The following OAS1 variants were observed in gnomAD, a reference collection of about 807,000 sequenced individuals.
OAS1 encodes the protein 2'-5'-oligoadenylate synthase 1.
A neutral mutation model predicts 38.5 loss-of-function variants in OAS1; 24 were observed. That is an observed-to-expected ratio of 0.62 (90% CI 0.45 to 0.88). The LOEUF is 0.88. Among genes scored for constraint, OAS1 ranks in the 40% least tolerant of loss-of-function variants. OAS1 has a pLI of 0.00. For synonymous variants in OAS1, 169 were observed against 193.9 expected (o/e 0.87, Z 1.07); for missense variants, 482 against 493.9 (o/e 0.98, Z 0.23).
At chr12:112,920,165 C>A (rs1200715039), downstream of OAS1, among the ~76,000 whole-genome samples, 1 of 152,196 alleles carries the variant, frequency 6.6e-6, no homozygotes, top group Non-Finnish European at 1.5e-5. Context: ...GACATTTGTG[C>A]AAAACATCTT....
chr12:112,909,229 C>T (rs1447854100), intron 2 of OAS1, among the ~76,000 whole-genome samples: 3 of 152,208 alleles, frequency 2.0e-5, no homozygotes, highest in African/African-American at 4.8e-5. Flanking sequence ...AACATTTGGA[C>T]AGGAAGTGTA....
At chr12:112,918,796 C>A in intron 5 of OAS1, 1 of 329,076 alleles carries the variant, frequency 3.0e-6, no homozygotes, top group Non-Finnish European at 6.2e-6. Flanking sequence ...TGTCACACAG[C>A]TAAACAGGGG....
At chr12:112,909,619 T>G (rs375603300) in intron 2 of OAS1, among the ~76,000 whole-genome samples, 38 of 152,288 alleles carry the variant, frequency 2.5e-4, no homozygotes, top group South Asian at 2.3e-3. Flanking sequence ...GAGCCACGAA[T>G]GTACCACTGC....
intron 6 of OAS1, among the ~76,000 whole-genome samples, chr12:112,927,868 C>A (rs1349776037): frequency 6.6e-6 from 1 of 152,118 alleles, no homozygotes; most frequent in Non-Finnish European, 1.5e-5. Context: ...GAAATAGAAT[C>A]CAGCATACTT....
At chr12:112,910,668 G>A (rs2043363550) in intron 2 of OAS1, among the ~76,000 whole-genome samples, 1 of 152,168 alleles carries the variant, frequency 6.6e-6, no homozygotes, top group Non-Finnish European at 1.5e-5. Context: ...AGGAGGTGAG[G>A]TGGGAGAGGT....
intron 6 of OAS1, among the ~76,000 whole-genome samples, chr12:112,929,210 C>T (rs2043581935): frequency 6.6e-6 from 1 of 152,356 alleles, no homozygotes; most frequent in South Asian, 2.1e-4. Flanking sequence ...CTACAGGCCA[C>T]TTCAGCTTTC....
Position 112,919,610 on chromosome 12 carries a change from T to G in OAS1, c.*57T>G, listed in dbSNP as rs45507596. 287 of 1,613,644 alleles carry G rather than the reference T, an allele frequency of 1.8e-4. No homozygotes were observed. Among genetic ancestry groups the G allele is most frequent in the Non-Finnish European group, 2.3e-4 (276 of 1,179,880 alleles). On this transcript the variant is annotated 3_prime_UTR_variant, in exon 6 of 6. Coordinates refer to ENST00000202917, the MANE Select transcript of OAS1 (RefSeq NM_016816.4). Reference sequence around the variant, plus strand: ...GTGTTATCTGGACCAGTTCCTTCATTTTCAGGTGGGACTCTTGATCCAGAG... The same window carrying G: ...GTGTTATCTGGACCAGTTCCTTCATGTTCAGGTGGGACTCTTGATCCAGAG...
chr12:112,928,596 G>A (rs562642418), intron 6 of OAS1, among the ~76,000 whole-genome samples: 119 of 152,296 alleles, frequency 7.8e-4, no homozygotes, highest in African/African-American at 2.7e-3. Flanking sequence ...TGTTCTGTGC[G>A]TGTCTTCTGG....
chr12:112,916,958 C>T (rs889153214), intron 4 of OAS1: 4 of 534,220 alleles, frequency 7.5e-6, no homozygotes, highest in African/African-American at 5.7e-5. Context: ...GGTGAGTAAA[C>T]TGAGGTTCTG....
chr12:112,928,069 A>T (rs1026610498), intron 6 of OAS1, among the ~76,000 whole-genome samples: 1 of 152,184 alleles, frequency 6.6e-6, no homozygotes, highest in Non-Finnish European at 1.5e-5. Flanking sequence ...GTGACGTATT[A>T]AGCCTAGTGC....
chr12:112,926,374 C>T (rs1388193803), intron 6 of OAS1, among the ~76,000 whole-genome samples: 2 of 152,164 alleles, frequency 1.3e-5, no homozygotes, highest in Non-Finnish European at 2.9e-5. Context: ...GGGAAACCAG[C>T]CCCCGATATT....
chr12:112,921,988 G>A (rs181611525), downstream of OAS1, among the ~76,000 whole-genome samples: 2 of 152,240 alleles, frequency 1.3e-5, no homozygotes. Flanking sequence ...GACACAGTGG[G>A]CAAATGACAA....
At chr12:112,929,762 A>G (rs2043586310) in intron 6 of OAS1, among the ~76,000 whole-genome samples, 1 of 152,140 alleles carries the variant, frequency 6.6e-6, no homozygotes, top group Non-Finnish European at 1.5e-5. Context: ...TTTTATGATA[A>G]TAAGGTGGAA....
chr12:112,921,569 CA>C (rs1360761431), downstream of OAS1, among the ~76,000 whole-genome samples: 1 of 152,170 alleles, frequency 6.6e-6, no homozygotes. Context: ...GGGCTTACTC[CA>C]GAGTCCTGGA....
In OAS1 at chr12:112,911,088, C is replaced by G. The variant is rs781389839; in HGVS notation, c.507C>G (p.Ile169Met). 6.2e-7 allele frequency: 1 copy of G among 1,614,000 alleles called. No homozygotes were observed. The highest frequency in any genetic ancestry group is 2.2e-5 in the East Asian group (1 of 44,878). Residue 169 changes from isoleucine (I) to methionine (M), a missense_variant, in exon 3 of 6, where the codon ATC (isoleucine) becomes ATG (methionine). Coordinates refer to ENST00000202917, the MANE Select transcript of OAS1 (RefSeq NM_016816.4). ...GCGGCTATAAACCTAACCCCCAAAT[C>G]TATGTCAAGCTCATCGAGGAGTGCA... Reference protein sequence around the residue: ...LTGGYKPNPQIYVKLIEECTD... With the variant: ...LTGGYKPNPQMYVKLIEECTD...
chr12:112,918,816 C>T (rs1303188693), intron 5 of OAS1: 1 of 310,540 alleles, frequency 3.2e-6, no homozygotes, highest in Admixed American at 3.8e-5. Context: ...GCAAAGGACC[C>T]AGTCTTGGAT....
intron 5 of OAS1, chr12:112,918,931 G>A (rs894945859): frequency 3.1e-5 from 8 of 256,284 alleles, no homozygotes; most frequent in African/African-American, 1.5e-4. Flanking sequence ...AGGATGTTCT[G>A]GGGGAGAGCC....
intron 6 of OAS1, among the ~76,000 whole-genome samples, chr12:112,931,431 A>G (rs1266527958): frequency 6.6e-6 from 1 of 152,194 alleles, no homozygotes; most frequent in Non-Finnish European, 1.5e-5. Flanking sequence ...CCCTATCTCT[A>G]AAAGGAAGCT....
downstream of OAS1, among the ~76,000 whole-genome samples, chr12:112,920,618 C>G (rs2043523186): frequency 6.6e-6 from 1 of 152,222 alleles, no homozygotes; most frequent in African/African-American, 2.4e-5. Context: ...TTCGACTATA[C>G]TGACTTACAT....
Sources: allele counts gnomAD v4.1 joint callset (sites outside exome capture counted in the v4.1 genomes callset), GRCh38; gene constraint gnomAD v4.1.1; transcripts MANE v1.5; gene names NCBI Gene and HGNC (gene_info 2026-07-23, HGNC 2026-07-21).